SGCD: variants seen among roughly 807,000 people sequenced by gnomAD.
SGCD encodes the protein delta-sarcoglycan.
In SGCD, 18 loss-of-function variants were observed where a neutral mutation model predicts 36.6. The ratio of observed to expected loss-of-function variants is 0.49; its 90% CI spans 0.34 to 0.73. The LOEUF (loss-of-function observed/expected upper bound fraction) is 0.73, where lower values mean the gene tolerates loss of function less well. SGCD is among the 30% of genes least tolerant of loss of function. The pLI, the probability that SGCD is intolerant of heterozygous loss-of-function variation, is 0.01. For missense variants in SGCD, 387 were observed against 346.7 expected (o/e 1.12, Z -0.92); for synonymous variants, 133 against 130.6 (o/e 1.02, Z -0.12).
intron 3 of SGCD, among the ~76,000 whole-genome samples, chr5:156,168,142 A>G (rs1350892095): frequency 6.6e-6 from 1 of 152,228 alleles, no homozygotes; most frequent in Non-Finnish European, 1.5e-5. Context: ...TCAAATGATC[A>G]CTTAGATAAA....
chr5:155,956,199 T>C (rs1236432564), intron 1 of SGCD, among the ~76,000 whole-genome samples: 1 of 151,424 alleles, frequency 6.6e-6, no homozygotes, highest in African/African-American at 2.4e-5. Context: ...CTGGCTGAAG[T>C]ATTCCTGCTC....
chr5:156,402,646 T>C (rs1291317017), intron 3 of SGCD, among the ~76,000 whole-genome samples: 1 of 152,232 alleles, frequency 6.6e-6, no homozygotes, highest in Admixed American at 6.5e-5. Flanking sequence ...CTTGCAAGAA[T>C]GCTTGCATGT....
chr5:156,646,150 C>T (rs980628235), intron 6 of SGCD, among the ~76,000 whole-genome samples: 2 of 152,132 alleles, frequency 1.3e-5, no homozygotes, highest in African/African-American at 4.8e-5. Context: ...CAAAGCCCAG[C>T]AAGAACATAA....
Position 156,709,632 on chromosome 5 carries a change from C to T in SGCD, c.576-47949C>T, listed in dbSNP as rs143947471. On this transcript the variant is annotated intron_variant, in intron 7 of 8. Coordinates refer to ENST00000337851, the MANE Select transcript of SGCD (RefSeq NM_000337.6). ...AGTGTCTGGGGAACTGCTTTTATAT[C>T]CCTGCAAGCCACCACTTGTATAAAC... is the stretch of plus-strand genomic sequence containing the variant. Among the ~76,000 whole-genome samples the T allele has an allele frequency of 5.2e-3, 794 of 152,206 alleles. 4 individuals are homozygous for T. The highest frequency in any genetic ancestry group is 8.3e-3 in the Non-Finnish European group (564 of 68,000).
chr5:156,271,305 T>C (rs141652266), intron 3 of SGCD, among the ~76,000 whole-genome samples: 1 of 152,110 alleles, frequency 6.6e-6, no homozygotes, highest in Admixed American at 6.5e-5. Context: ...AAAGATTGTT[T>C]TGTTGCCTTT....
At chr5:156,138,441 T>C (rs1484549537) in intron 3 of SGCD, among the ~76,000 whole-genome samples, 2 of 152,116 alleles carry the variant, frequency 1.3e-5, no homozygotes, top group Non-Finnish European at 2.9e-5. Flanking sequence ...TTCACATACA[T>C]GGTCTTATGG....
intron 3 of SGCD, among the ~76,000 whole-genome samples, chr5:156,476,719 T>C (rs1755197845): frequency 1.3e-5 from 2 of 152,158 alleles, no homozygotes; most frequent in Non-Finnish European, 2.9e-5. Flanking sequence ...AGCAAGATCA[T>C]TGTAGAGGAA....
At chr5:156,528,673 A>G (rs1217015157) in intron 4 of SGCD, among the ~76,000 whole-genome samples, 1 of 152,210 alleles carries the variant, frequency 6.6e-6, no homozygotes, top group Non-Finnish European at 1.5e-5. Flanking sequence ...CTTTAGGTGG[A>G]AGAGCTAAGA....
At chr5:155,936,750 C>G (rs921682876) in intron 1 of SGCD, among the ~76,000 whole-genome samples, 1 of 152,200 alleles carries the variant, frequency 6.6e-6, no homozygotes, top group Non-Finnish European at 1.5e-5. Context: ...CCCCTTTTAC[C>G]CAGGAGCCTG....
rs537560101 is a variant in SGCD at position 156,210,771 on chromosome 5, T to C, written c.-44+86752T>C. ...TATTTGAAAATATACAGTAAGGTCATTGAAAATAATGAAAGGGACTGAAGA... is the reference window on the plus strand; with the variant it reads ...TATTTGAAAATATACAGTAAGGTCACTGAAAATAATGAAAGGGACTGAAGA... On this transcript the variant is annotated intron_variant, in intron 3 of 9. Transcript: ENST00000517913. Among the ~76,000 whole-genome samples the C allele has an allele frequency of 1.4e-4, 21 of 151,970 alleles. No homozygotes were observed. In the South Asian group the frequency reaches 3.7e-3, roughly 27 times the overall value.
intron 4 of SGCD, among the ~76,000 whole-genome samples, chr5:156,555,955 T>C (rs1759002462): frequency 1.3e-5 from 2 of 152,106 alleles, no homozygotes; most frequent in South Asian, 4.1e-4. Flanking sequence ...GAAATTGTTT[T>C]TCACAATGTT....
At chr5:155,853,442 C>G in the SGCD span, among the ~76,000 whole-genome samples, 1 of 152,050 alleles carries the variant, frequency 6.6e-6, no homozygotes, top group Non-Finnish European at 1.5e-5. Flanking sequence ...TCTGCTTACA[C>G]CTTCTAACTC....
At chr5:156,143,917 G>A (rs1762640018) in intron 3 of SGCD, among the ~76,000 whole-genome samples, 2 of 125,842 alleles carry the variant, frequency 1.6e-5, no homozygotes, top group South Asian at 2.5e-4. Context: ...ACCCCGGAGT[G>A]TGATGTTCCC....
intron 1 of SGCD, among the ~76,000 whole-genome samples, chr5:155,945,702 A>C (rs1283046640): frequency 6.6e-6 from 1 of 152,142 alleles, no homozygotes; most frequent in South Asian, 2.1e-4. Context: ...GAGAAAGACC[A>C]GTGTTCCTGA....
intron 1 of SGCD, among the ~76,000 whole-genome samples, chr5:155,957,151 G>C (rs1009392268): frequency 1.3e-5 from 2 of 152,070 alleles, no homozygotes; most frequent in African/African-American, 4.8e-5. Context: ...ATGGAAAAGA[G>C]AGAGTCTTGC....
chr5:156,034,802 G>GT (rs1368441731), intron 1 of SGCD, among the ~76,000 whole-genome samples: 2 of 152,330 alleles, frequency 1.3e-5, no homozygotes, highest in South Asian at 2.1e-4. Flanking sequence ...TTGTCTTGCT[G>GT]TAAGTACAGT....
chr5:156,227,043 TG>T (rs201700585), intron 3 of SGCD, among the ~76,000 whole-genome samples: 2,316 of 151,874 alleles, frequency 0.015, 26 homozygotes, highest in Non-Finnish European at 0.026. Flanking sequence ...TCCCACTCTG[TG>T]GGTTGTGTGT....
At chr5:155,995,169 A>T (rs1023957572) in intron 1 of SGCD, among the ~76,000 whole-genome samples, 116 of 152,220 alleles carry the variant, frequency 7.6e-4, no homozygotes, top group African/African-American at 2.6e-3. Context: ...GATGAGGGAG[A>T]ATGCTTTCTT....
At chr5:156,703,333 C>G (rs908948509) in intron 7 of SGCD, among the ~76,000 whole-genome samples, 2 of 151,672 alleles carry the variant, frequency 1.3e-5, no homozygotes, top group Non-Finnish European at 2.9e-5. Context: ...GCTTCTGGAA[C>G]ATGAAACATA....
Sources: allele counts gnomAD v4.1 joint callset (sites outside exome capture counted in the v4.1 genomes callset), GRCh38; gene constraint gnomAD v4.1.1; transcripts MANE v1.5; gene names NCBI Gene and HGNC (gene_info 2026-07-23, HGNC 2026-07-21).